Variants in SLC14A2 observed in about 807,000 individuals in gnomAD.
The protein encoded by SLC14A2 is urea transporter 2.
SLC14A2 carries 91 observed loss-of-function variants against 104.6 expected under a neutral mutation model. The observed-to-expected ratio is 0.87, with a 90% CI of 0.73 to 1.04. SLC14A2 has a LOEUF of 1.04. SLC14A2 is among the 50% of genes least tolerant of loss of function. The pLI is 0.00. For missense variants in SLC14A2, 1,189 were observed against 1,156.0 expected (o/e 1.03, Z -0.41); for synonymous variants, 476 against 466.4 (o/e 1.02, Z -0.27).
At chr18:45,339,451 A>C (rs950224424) in intron 1 of SLC14A2, among the ~76,000 whole-genome samples, 1 of 152,162 alleles carries the variant, frequency 6.6e-6, no homozygotes, top group Non-Finnish European at 1.5e-5. Context: ...ACAGTTTCTG[A>C]TTTGAGTTTT....
intron 2 of SLC14A2, among the ~76,000 whole-genome samples, chr18:45,572,250 A>T (rs2044358405): frequency 2.6e-5 from 4 of 152,202 alleles, no homozygotes; most frequent in African/African-American, 4.8e-5. Flanking sequence ...AGGGTTCAGA[A>T]CTACCTTCCG....
chr18:45,460,523 G>C (rs1033016995), intron 1 of SLC14A2, among the ~76,000 whole-genome samples: 2 of 152,130 alleles, frequency 1.3e-5, no homozygotes, highest in Non-Finnish European at 2.9e-5. Flanking sequence ...GGGAAAATAG[G>C]GTTGGCAGGT....
intron 2 of SLC14A2, among the ~76,000 whole-genome samples, chr18:45,585,806 G>A (rs1385663687): frequency 6.6e-6 from 1 of 152,184 alleles, no homozygotes; most frequent in Non-Finnish European, 1.5e-5. Flanking sequence ...CACTCTCAGA[G>A]ATGCTCTGAT....
chr18:45,527,827 C>A (rs569768876), intron 2 of SLC14A2: 1 of 152,182 alleles, frequency 6.6e-6, no homozygotes, highest in Non-Finnish European at 1.5e-5. Flanking sequence ...GTTCATAACT[C>A]TTGTCTACTA....
At chr18:45,638,946 A>G (rs1354067201) in intron 6 of SLC14A2, among the ~76,000 whole-genome samples, 1 of 151,948 alleles carries the variant, frequency 6.6e-6, no homozygotes. Flanking sequence ...CCCTCAAAGG[A>G]CTCCAAAAAT....
At chr18:45,508,345 A>G (rs2543033) in intron 2 of SLC14A2, among the ~76,000 whole-genome samples, 122,960 of 152,166 alleles carry the variant, frequency 0.81, 50,748 homozygotes, top group Non-Finnish European at 0.91. Context: ...GGAGATCATT[A>G]AATCATGAGA....
chr18:45,485,119 T>A (rs1012527841), intron 2 of SLC14A2: 2 of 152,204 alleles, frequency 1.3e-5, no homozygotes, highest in African/African-American at 4.8e-5. Context: ...AAAAGGAGAT[T>A]CGCTATGATC....
chr18:45,299,057 A>G (rs994637857), intron 1 of SLC14A2, among the ~76,000 whole-genome samples: 5 of 152,186 alleles, frequency 3.3e-5, no homozygotes, highest in Admixed American at 3.3e-4. Context: ...TGCAAATTAG[A>G]TTCTTTGACA....
At chr18:45,190,690 G>C in the SLC14A2 span, among the ~76,000 whole-genome samples, 1 of 152,188 alleles carries the variant, frequency 6.6e-6, no homozygotes, top group South Asian at 2.1e-4. Flanking sequence ...ATGACACGAA[G>C]TCTACCCCGC....
intron 1 of SLC14A2, among the ~76,000 whole-genome samples, chr18:45,378,934 A>C (rs1469473059): frequency 2.0e-5 from 3 of 152,202 alleles, no homozygotes; most frequent in African/African-American, 7.2e-5. Flanking sequence ...TGATCAAATC[A>C]GCCTTATGGT....
chr18:45,620,087 A>T (rs1487389129), intron 1 of SLC14A2, among the ~76,000 whole-genome samples: 1 of 152,204 alleles, frequency 6.6e-6, no homozygotes, highest in Non-Finnish European at 1.5e-5. Context: ...CCCAAAGCCA[A>T]AATTCCCCGT....
intron 1 of SLC14A2, among the ~76,000 whole-genome samples, chr18:45,301,178 C>T (rs1283103304): frequency 6.6e-6 from 1 of 152,162 alleles, no homozygotes; most frequent in Non-Finnish European, 1.5e-5. Context: ...AACAGCATTC[C>T]ACTTTAGAGA....
chr18:45,606,015 A>G (rs766565266), intron 2 of SLC14A2, among the ~76,000 whole-genome samples: 6 of 152,200 alleles, frequency 3.9e-5, no homozygotes, highest in Non-Finnish European at 7.3e-5. Flanking sequence ...AGAAACTCCA[A>G]GTAACTATTC....
At chr18:45,653,582 C>G (rs1298661830) in intron 10 of SLC14A2, among the ~76,000 whole-genome samples, 3 of 152,152 alleles carry the variant, frequency 2.0e-5, no homozygotes, top group Non-Finnish European at 4.4e-5. Flanking sequence ...TCCAGGCCCC[C>G]AGACCCTATG....
At chr18:45,187,659 C>G in the SLC14A2 span, among the ~76,000 whole-genome samples, 2 of 152,024 alleles carry the variant, frequency 1.3e-5, no homozygotes, top group African/African-American at 2.4e-5. Context: ...CCACCTTATG[C>G]CCGTCCAGAA....
intron 2 of SLC14A2, among the ~76,000 whole-genome samples, chr18:45,494,788 CTCTTCAG>C (rs2043062698): frequency 6.6e-6 from 1 of 152,018 alleles, no homozygotes. Context: ...TCCTTCACCT[CTCTTCAG>C]TCTGTCCACT....
intron 1 of SLC14A2, among the ~76,000 whole-genome samples, chr18:45,284,646 T>C (rs2084795664): frequency 6.6e-6 from 1 of 152,216 alleles, no homozygotes; most frequent in Non-Finnish European, 1.5e-5. Flanking sequence ...ATCTTTTGCA[T>C]TACTTCTGTC....
At chr18:45,620,431 G>A (rs545460061) in intron 1 of SLC14A2, among the ~76,000 whole-genome samples, 43 of 152,308 alleles carry the variant, frequency 2.8e-4, no homozygotes, top group African/African-American at 9.4e-4. Flanking sequence ...TGCTTTTCAA[G>A]GACATGATTT....
chr18:45,631,842 C>T (rs573479266), intron 4 of SLC14A2, among the ~76,000 whole-genome samples: 1 of 152,306 alleles, frequency 6.6e-6, no homozygotes, highest in Admixed American at 6.5e-5. Context: ...GCTGGTTGAA[C>T]TCCTGGGTGC....
Sources: allele counts gnomAD v4.1 joint callset (sites outside exome capture counted in the v4.1 genomes callset), GRCh38; gene constraint gnomAD v4.1.1; transcripts MANE v1.5; gene names NCBI Gene and HGNC (gene_info 2026-07-23, HGNC 2026-07-21).